The following TPTE2 variants were observed in gnomAD, a reference collection of about 807,000 sequenced individuals.
The protein encoded by TPTE2 is phosphatidylinositol 3,4,5-trisphosphate 3-phosphatase TPTE2.
A neutral mutation model predicts 78.6 loss-of-function variants in TPTE2; 53 were observed. The ratio of observed to expected loss-of-function variants is 0.67; its 90% CI spans 0.54 to 0.85. The LOEUF is 0.85. Ranked by LOEUF, TPTE2 falls within the 40% of genes least tolerant of loss-of-function variation. The pLI is 0.00. For missense variants in TPTE2, 461 were observed against 623.0 expected (o/e 0.74, Z 2.77); for synonymous variants, 175 against 206.2 (o/e 0.85, Z 1.30).
chr13:19,474,938 T>C (rs1330772511), intron 5 of TPTE2, among the ~76,000 whole-genome samples: 2 of 152,238 alleles, frequency 1.3e-5, no homozygotes, highest in African/African-American at 2.4e-5. Flanking sequence ...CTAATAATTA[T>C]AGAATTTTAA....
At chr13:19,488,843 G>GTTTTGT in intron 3 of TPTE2, among the ~76,000 whole-genome samples, 1 of 152,200 alleles carries the variant, frequency 6.6e-6, no homozygotes, top group South Asian at 2.1e-4. Flanking sequence ...TTTCTGTTTT[G>GTTTTGT]TTTTGTTTTT....
intron 1 of TPTE2, among the ~76,000 whole-genome samples, chr13:19,524,518 AAC>A (rs1400319661): frequency 7.9e-5 from 12 of 152,258 alleles, no homozygotes; most frequent in Non-Finnish European, 1.8e-4. Context: ...TCTAAAATTT[AAC>A]AGAGTTGAAG....
the TPTE2 span, among the ~76,000 whole-genome samples, chr13:19,558,316 GT>G: frequency 6.6e-6 from 1 of 152,132 alleles, no homozygotes; most frequent in East Asian, 1.9e-4. Flanking sequence ...CTTTAACTCT[GT>G]TTTTAAAATT....
intron 10 of TPTE2, among the ~76,000 whole-genome samples, chr13:19,458,918 T>G (rs866669628): frequency 6.6e-5 from 10 of 152,178 alleles, no homozygotes; most frequent in African/African-American, 2.4e-4. Context: ...TGATTTATAT[T>G]CCTTTGGGTA....
chr13:19,467,343 T>G (rs1370116768), exon 7 of TPTE2: 2 of 1,460,634 alleles, frequency 1.4e-6, no homozygotes, highest in Admixed American at 6.1e-5. Context: ...TACTGCTGTC[T>G]CCTGTAATAT....
At chr13:19,438,696 A>G (rs992032861) in intron 13 of TPTE2, among the ~76,000 whole-genome samples, 1 of 152,234 alleles carries the variant, frequency 6.6e-6, no homozygotes, top group African/African-American at 2.4e-5. Flanking sequence ...GGCAGATTAC[A>G]GGCTTTTAGC....
chr13:19,488,396 C>T (rs557981986), intron 3 of TPTE2, among the ~76,000 whole-genome samples: 1 of 152,290 alleles, frequency 6.6e-6, no homozygotes, highest in South Asian at 2.1e-4. Flanking sequence ...ATATAAAAGT[C>T]CTAGATGGCA....
rs554688016 is a variant in TPTE2 at position 19,522,468 on chromosome 13, A to C, written c.-44+14128T>G. Among the ~76,000 whole-genome samples, 3 of 152,326 alleles carry C rather than the reference A, an allele frequency of 2.0e-5. No homozygotes were observed. In the South Asian group the frequency reaches 6.2e-4, roughly 32 times the overall value. The stretch of plus-strand genomic sequence containing the variant: ...CAAAAGCTGCAAAAGTTACAGCTAC[A>C]GTGCATGATAAGTACTTAGTAGAGA... On this transcript the variant is annotated intron_variant, in intron 1 of 17. Coordinates refer to the TPTE2 transcript ENST00000390680.
intron 1 of TPTE2, among the ~76,000 whole-genome samples, chr13:19,522,609 CTTTT>C (rs1245952015): frequency 2.2e-5 from 2 of 89,324 alleles, no homozygotes; most frequent in Admixed American, 1.3e-4. Context: ...GTTTTCCTTA[CTTTT>C]TTTTTCTTTT....
chr13:19,551,849 G>A, the TPTE2 span, among the ~76,000 whole-genome samples: 1 of 151,996 alleles, frequency 6.6e-6, no homozygotes, highest in Non-Finnish European at 1.5e-5. Flanking sequence ...ACTTATTCAG[G>A]CTCTTCCAAC....
intron 1 of TPTE2, among the ~76,000 whole-genome samples, chr13:19,502,973 C>T (rs1416260699): frequency 6.6e-6 from 1 of 152,026 alleles, no homozygotes; most frequent in East Asian, 1.9e-4. Context: ...ATGTTACCTA[C>T]AAAGGCTACA....
rs34687632 is a variant in TPTE2 at position 19,450,849 on chromosome 13, C to T, written c.802+316G>A. Among the ~76,000 whole-genome samples, 200 of 152,240 alleles carry T rather than the reference C, an allele frequency of 1.3e-3. 2 individuals are homozygous for T. The Middle Eastern group carries it at 0.017, about 13-fold the overall frequency. On this transcript the variant is annotated intron_variant, in intron 11 of 19. Transcript: ENST00000400230. ...TCATTTGTTAAATTGTCTATGTCCT[C>T]ATAACACAATCTGGCAGGAAAAACA...
chr13:19,539,906 A>G (rs1566083057), upstream of TPTE2, among the ~76,000 whole-genome samples: 1 of 152,152 alleles, frequency 6.6e-6, no homozygotes, highest in Non-Finnish European at 1.5e-5. Flanking sequence ...GCAGTTTGGG[A>G]AGCCAAAGTG....
intron 13 of TPTE2, among the ~76,000 whole-genome samples, chr13:19,443,516 G>A (rs920573451): frequency 3.3e-5 from 5 of 150,548 alleles, no homozygotes; most frequent in African/African-American, 7.3e-5. Flanking sequence ...AGTGATTCTC[G>A]TGCCTCAGCC....
At chr13:19,488,327 C>T (rs535069264) in intron 3 of TPTE2, among the ~76,000 whole-genome samples, 1 of 152,352 alleles carries the variant, frequency 6.6e-6, no homozygotes, top group East Asian at 1.9e-4. Context: ...TAGCCCCTAA[C>T]AAGAGAATTG....
chr13:19,544,463 AAG>A, the TPTE2 span, among the ~76,000 whole-genome samples: 1 of 152,244 alleles, frequency 6.6e-6, no homozygotes, highest in African/African-American at 2.4e-5. Context: ...AAAGGAAAAA[AAG>A]AGAGCAATAA....
chr13:19,498,027 A>C (rs1406913556), intron 1 of TPTE2, among the ~76,000 whole-genome samples: 2 of 151,302 alleles, frequency 1.3e-5, no homozygotes, highest in Non-Finnish European at 3.0e-5. Context: ...AGCCGATGCG[A>C]TCAACTGGAA....
At chr13:19,523,082 G>C (rs1870270149) in intron 1 of TPTE2, among the ~76,000 whole-genome samples, 1 of 152,220 alleles carries the variant, frequency 6.6e-6, no homozygotes, top group Non-Finnish European at 1.5e-5. Flanking sequence ...CTTGTGCATG[G>C]GGTCTTCCTT....
At chr13:19,475,863 C>T (rs990000091) in intron 4 of TPTE2, among the ~76,000 whole-genome samples, 4 of 152,088 alleles carry the variant, frequency 2.6e-5, no homozygotes, top group Admixed American at 2.6e-4. Flanking sequence ...CCATTGCATG[C>T]AAAGCCCCAA....
Sources: allele counts gnomAD v4.1 joint callset (sites outside exome capture counted in the v4.1 genomes callset), GRCh38; gene constraint gnomAD v4.1.1; transcripts MANE v1.5; gene names NCBI Gene and HGNC (gene_info 2026-07-23, HGNC 2026-07-21).